The following GMCL1 variants were observed in gnomAD, a reference collection of about 807,000 sequenced individuals.
GMCL1 encodes the protein germ cell-less protein-like 1.
In GMCL1, 54 loss-of-function variants were observed where a neutral mutation model predicts 75.5. The observed-to-expected ratio is 0.71, with a 90% CI of 0.57 to 0.90. The LOEUF is 0.90. Among genes scored for constraint, GMCL1 ranks in the 40% least tolerant of loss-of-function variants. The pLI is 0.00. For missense variants in GMCL1, 537 were observed against 622.7 expected, an observed-to-expected ratio of 0.86 and a Z score of 1.47; for synonymous variants, 210 against 209.6, an observed-to-expected ratio of 1.00 and a Z score of -0.02.
chr2:69,866,614 A>G (rs1263230310), intron 11 of GMCL1, among the ~76,000 whole-genome samples: 4 of 152,106 alleles, frequency 2.6e-5, no homozygotes, highest in Non-Finnish European at 5.9e-5. Context: ...ACGTGTCACC[A>G]CAGCCAGCTA....
At chr2:69,841,421 A>G (rs1194100029) in intron 4 of GMCL1, among the ~76,000 whole-genome samples, 1 of 152,186 alleles carries the variant, frequency 6.6e-6, no homozygotes, top group Non-Finnish European at 1.5e-5. Context: ...TACTATTTAA[A>G]TTTCTCTTAA....
In GMCL1 at chr2:69,840,965, C is replaced by A; in HGVS notation, c.505C>A (p.Leu169Met). 1 of 1,613,872 alleles carries A rather than the reference C, an allele frequency of 6.2e-7. No homozygotes were observed. The highest frequency in any genetic ancestry group is 8.5e-7 in the Non-Finnish European group (1 of 1,179,834). The change falls in exon 4 of 14, where the codon CTG (leucine) becomes ATG (methionine). Residue 169 changes from leucine (L) to methionine (M), a missense_variant. This residue lies in a region of GMCL1 where 345 missense variants were observed against 410.5 expected (regional missense o/e 0.84). Coordinates refer to ENST00000282570, the MANE Select transcript of GMCL1 (RefSeq NM_178439.5). ...AGCACTGCAGGTTGCATTTGGTTCA[C>A]TGTATCGAGATGATGTCTTGATAAA... ...VEALQVAFGS[L>M]YRDDVLIKPS...
chr2:69,870,078 T>TATATA (rs1209265193), intron 12 of GMCL1, among the ~76,000 whole-genome samples: 5 of 149,046 alleles, frequency 3.4e-5, no homozygotes, highest in Non-Finnish European at 7.4e-5. Context: ...TAGGCTGGAA[T>TATATA]ATATACCAGT....
rs562117380 is a variant in GMCL1, at chr2:69,860,191, A to G, written c.1073-1087A>G. Among the ~76,000 whole-genome samples, 8 of 152,036 alleles carry G rather than the reference A, an allele frequency of 5.3e-5. No homozygotes were observed. The East Asian group carries it at 7.7e-4, about 15-fold the overall frequency. On this transcript the variant is annotated intron_variant, in intron 9 of 13. Transcript: ENST00000282570. ...GGTTTTGGAGAGATCAGGTCTCACTATGTTGCCCAGGCTGGTCTAGAACTC... is the reference window on the plus strand; with the variant it reads ...GGTTTTGGAGAGATCAGGTCTCACTGTGTTGCCCAGGCTGGTCTAGAACTC...
chr2:69,851,005 G>A (rs149378800), intron 8 of GMCL1, among the ~76,000 whole-genome samples: 1 of 152,244 alleles, frequency 6.6e-6, no homozygotes, highest in East Asian at 1.9e-4. Flanking sequence ...ATCTGTTCAG[G>A]TATGTTTCCT....
intron 7 of GMCL1, among the ~76,000 whole-genome samples, chr2:69,848,195 G>A (rs1213082179): frequency 6.6e-6 from 1 of 152,226 alleles, no homozygotes; most frequent in Non-Finnish European, 1.5e-5. Flanking sequence ...GGGAGTCCTA[G>A]TCCATTGCCC....
Position 69,878,929 on chromosome 2 carries a change from G to GC in GMCL1, c.1473_1474insC (p.Asp492ArgfsTer14). 1 of 1,608,314 alleles carries GC rather than the reference G, an allele frequency of 6.2e-7. No homozygotes were observed. The highest frequency in any genetic ancestry group is 8.5e-7 in the Non-Finnish European group (1 of 1,174,946). On this transcript the variant is annotated frameshift_variant, in exon 14 of 14. Transcript: ENST00000282570. LOFTEE classifies it high-confidence loss of function. ...TATAGGAACAAGTGGTGATGAACTTGGACAGCAGGCTTCTGATCTTCCCTT... is the reference window on the plus strand; with the variant it reads ...TATAGGAACAAGTGGTGATGAACTTGCGACAGCAGGCTTCTGATCTTCCCTT...
intron 8 of GMCL1, among the ~76,000 whole-genome samples, chr2:69,851,771 G>GA (rs1336384624): frequency 1.3e-5 from 2 of 151,528 alleles, no homozygotes; most frequent in Admixed American, 6.6e-5. Context: ...GTCTCAAAAG[G>GA]AAAAAAAATG....
intron 8 of GMCL1, among the ~76,000 whole-genome samples, chr2:69,853,752 A>G (rs1248605135): frequency 6.9e-6 from 1 of 145,010 alleles, no homozygotes; most frequent in Non-Finnish European, 1.5e-5. Context: ...ATAACCTTAA[A>G]TTCTCCCTAA....
chr2:69,863,033 A>G (rs1675703908), intron 10 of GMCL1, among the ~76,000 whole-genome samples: 1 of 152,170 alleles, frequency 6.6e-6, no homozygotes, highest in Non-Finnish European at 1.5e-5. Flanking sequence ...CTCATCTAAG[A>G]TACTGCACTA....
intron 8 of GMCL1, 78 bp downstream of exon 8, chr2:69,849,820 A>AT: frequency 1.3e-6 from 1 of 789,170 alleles, no homozygotes; most frequent in Non-Finnish European, 2.0e-6. Flanking sequence ...CAGAAAATAA[A>AT]TAAATTAATT....
chr2:69,848,207 C>T (rs1324534271), intron 7 of GMCL1, among the ~76,000 whole-genome samples: 2 of 152,246 alleles, frequency 1.3e-5, no homozygotes, highest in African/African-American at 4.8e-5. Context: ...CCATTGCCCT[C>T]TTCCTACTGC....
intron 1 of GMCL1, among the ~76,000 whole-genome samples, chr2:69,836,351 T>C (rs1171031796): frequency 2.0e-5 from 3 of 152,226 alleles, no homozygotes; most frequent in Non-Finnish European, 2.9e-5. Flanking sequence ...TAATCTTTAA[T>C]GTAATTTGGG....
chr2:69,835,584 C>T (rs569135431), intron 1 of GMCL1, among the ~76,000 whole-genome samples: 5 of 152,096 alleles, frequency 3.3e-5, no homozygotes, highest in Admixed American at 6.5e-5. Flanking sequence ...AAGAAGACTA[C>T]GAAGTTGGTT....
intron 9 of GMCL1, among the ~76,000 whole-genome samples, chr2:69,860,854 A>T (rs1675618890): frequency 6.6e-6 from 1 of 151,940 alleles, no homozygotes; most frequent in African/African-American, 2.4e-5. Flanking sequence ...TGTCTGTTTG[A>T]TTGTTTGAGA....
At chr2:69,846,539 C>G (rs1208557072) in intron 6 of GMCL1, among the ~76,000 whole-genome samples, 1 of 152,124 alleles carries the variant, frequency 6.6e-6, no homozygotes, top group Non-Finnish European at 1.5e-5. Context: ...ACCAATCCCC[C>G]ACAGATACAG....
At chr2:69,835,592 G>GT (rs1674798255) in intron 1 of GMCL1, among the ~76,000 whole-genome samples, 1 of 152,072 alleles carries the variant, frequency 6.6e-6, no homozygotes, top group South Asian at 2.1e-4. Context: ...TACGAAGTTG[G>GT]TTATAGGTGG....
chr2:69,876,886 G>A (rs1311980315), intron 13 of GMCL1, among the ~76,000 whole-genome samples: 1 of 152,182 alleles, frequency 6.6e-6, no homozygotes, highest in African/African-American at 2.4e-5. Context: ...CTACTTGGAA[G>A]CTGAGGCAGG....
chr2:69,861,264 T>G lies in GMCL1; in HGVS notation c.1073-14T>G. 1 of 1,553,910 alleles carries G rather than the reference T, an allele frequency of 6.4e-7. No individual in the cohort carries two copies. The highest frequency in any genetic ancestry group is 1.2e-5 in the South Asian group (1 of 86,802). On this transcript the variant is annotated splice_polypyrimidine_tract_variant and intron_variant, in intron 9 of 13. Transcript: ENST00000282570. ...GTCGTTATTTATTATTATTAATTTA[T>G]TCTTACATTTCAGAATGGCTCTCTT...
Sources: gnomAD v4.1 joint callset for allele counts (sites outside exome capture counted in the v4.1 genomes callset) on GRCh38, gnomAD v4.1.1 for gene constraint, gnomAD v4.1.1 regional missense constraint, MANE v1.5 for transcripts, NCBI Gene and HGNC (gene_info 2026-07-23, HGNC 2026-07-21) for gene names.